Variants in ADAM10 observed in about 807,000 individuals in gnomAD.
ADAM10 encodes disintegrin and metalloproteinase domain-containing protein 10.
In ADAM10, 17 loss-of-function variants were observed where a neutral mutation model predicts 90.1. The observed-to-expected ratio is 0.19, with a 90% confidence interval of 0.13 to 0.28. The LOEUF (loss-of-function observed/expected upper bound fraction) is 0.28, where lower values mean the gene tolerates loss of function less well. ADAM10 is among the 10% of genes least tolerant of loss of function. The pLI is 1.00. For synonymous variants in ADAM10, 310 were observed against 298.6 expected, an observed-to-expected ratio of 1.04 and a Z score of -0.40; for missense variants, 610 against 914.3, an observed-to-expected ratio of 0.67 and a Z score of 4.29.
chr15:58,710,029 T>G (rs1201043068), intron 2 of ADAM10, among the ~76,000 whole-genome samples: 1 of 152,144 alleles, frequency 6.6e-6, no homozygotes, highest in African/African-American at 2.4e-5. Context: ...ACGCCTGTAA[T>G]CCCAGCACTC....
intron 1 of ADAM10, among the ~76,000 whole-genome samples, chr15:58,721,335 T>C (rs570059974): frequency 4.1e-4 from 62 of 152,328 alleles, no homozygotes; most frequent in Admixed American, 4.0e-3. Flanking sequence ...GACACACAGT[T>C]ACCAAGTCCA....
chr15:58,599,749 TGAA>T, intron 14 of ADAM10, 25 bp from the exon 15 acceptor site: 1 of 1,535,980 alleles, frequency 6.5e-7, no homozygotes, highest in South Asian at 1.1e-5. Context: ...ATTTTTCCAC[TGAA>T]AAAAAAAAAA....
chr15:58,674,994 G>A (rs1343650918), intron 4 of ADAM10, among the ~76,000 whole-genome samples: 2 of 152,136 alleles, frequency 1.3e-5, no homozygotes, highest in Non-Finnish European at 2.9e-5. Context: ...TCAAGAGATC[G>A]AGACCATCCT....
At chr15:58,633,066 T>G in intron 9 of ADAM10, 130 bp downstream of exon 9, 1 of 871,960 alleles carries the variant, frequency 1.1e-6, no homozygotes, top group Non-Finnish European at 1.8e-6. Flanking sequence ...TCAAATACAT[T>G]ACTGTGCTCT....
At chr15:58,740,995 G>A (rs1489645502) in intron 1 of ADAM10, among the ~76,000 whole-genome samples, 3 of 152,144 alleles carry the variant, frequency 2.0e-5, no homozygotes, top group African/African-American at 7.2e-5. Flanking sequence ...GTACTTTAAA[G>A]TCTTTAGCAC....
At chr15:58,695,975 T>G (rs11853494) in intron 2 of ADAM10, among the ~76,000 whole-genome samples, 98,960 of 150,992 alleles carry the variant, frequency 0.66, 32,287 homozygotes, top group Non-Finnish European at 0.68. Context: ...AATGAGCCGG[T>G]TGTGATGATA....
intron 2 of ADAM10, chr15:58,692,614 C>T (rs563076267): frequency 5.4e-6 from 3 of 558,542 alleles, no homozygotes; most frequent in East Asian, 4.8e-5. Flanking sequence ...TTTGACCCAC[C>T]TCTCTTCTAA....
At chr15:58,697,103 A>C (rs1898001748) in intron 2 of ADAM10, among the ~76,000 whole-genome samples, 1 of 152,154 alleles carries the variant, frequency 6.6e-6, no homozygotes. Context: ...AAGGAGGCCT[A>C]AGTTAGACTG....
At chr15:58,735,147 T>C (rs1285017103) in intron 1 of ADAM10, among the ~76,000 whole-genome samples, 2 of 152,234 alleles carry the variant, frequency 1.3e-5, no homozygotes, top group African/African-American at 4.8e-5. Context: ...GCTTGGCCTC[T>C]GACCCACTCA....
intron 15 of ADAM10, among the ~76,000 whole-genome samples, chr15:58,597,922 T>G (rs1225833012): frequency 1.3e-5 from 2 of 152,190 alleles, no homozygotes; most frequent in African/African-American, 4.8e-5. Context: ...ATTTCTTTTT[T>G]TATACTAAAT....
At chr15:58,704,932 A>C (rs1287124651) in intron 2 of ADAM10, among the ~76,000 whole-genome samples, 1 of 152,220 alleles carries the variant, frequency 6.6e-6, no homozygotes, top group Non-Finnish European at 1.5e-5. Flanking sequence ...TGATGGAAAA[A>C]GTCAAGCTAA....
At chr15:58,654,835 T>C (rs1237229032) in intron 5 of ADAM10, among the ~76,000 whole-genome samples, 1 of 152,252 alleles carries the variant, frequency 6.6e-6, no homozygotes, top group Non-Finnish European at 1.5e-5. Flanking sequence ...TCTAGTTTTA[T>C]TCAAGTGTAG....
chr15:58,692,231 G>T, intron 2 of ADAM10: 2 of 581,824 alleles, frequency 3.4e-6, no homozygotes, highest in South Asian at 2.8e-5. Context: ...AATTCCAAAT[G>T]ACCTTCTACA....
chr15:58,697,046 C>A (rs1371008468), intron 2 of ADAM10, among the ~76,000 whole-genome samples: 2 of 152,174 alleles, frequency 1.3e-5, no homozygotes, highest in Non-Finnish European at 2.9e-5. Flanking sequence ...CTGGCAGCAA[C>A]CCCACTGCCC....
At chr15:58,605,309 T>TA (rs1167988118) in intron 14 of ADAM10, among the ~76,000 whole-genome samples, 1 of 152,234 alleles carries the variant, frequency 6.6e-6, no homozygotes, top group Non-Finnish European at 1.5e-5. Flanking sequence ...TGAGATGTTT[T>TA]AGTGCCAATG....
chr15:58,612,495 C>T (rs1363634145), intron 11 of ADAM10, among the ~76,000 whole-genome samples: 1 of 152,212 alleles, frequency 6.6e-6, no homozygotes, highest in African/African-American at 2.4e-5. Flanking sequence ...GTAGTCATCA[C>T]TGTGCTGTTC....
intron 2 of ADAM10, among the ~76,000 whole-genome samples, chr15:58,701,022 C>CAAA (rs386383146): frequency 0.011 from 779 of 70,922 alleles, 4 homozygotes; most frequent in Non-Finnish European, 0.021. Flanking sequence ...AACAAAAAAA[C>CAAA]AAAAAAAAAA....
chr15:58,673,420 T>C (rs1305880976), intron 4 of ADAM10, among the ~76,000 whole-genome samples: 2 of 151,856 alleles, frequency 1.3e-5, no homozygotes, highest in Admixed American at 6.6e-5. Flanking sequence ...AGCTGTTTTT[T>C]TGACACTGTA....
At chr15:58,650,828 G>C (rs1896666588) in intron 5 of ADAM10, among the ~76,000 whole-genome samples, 1 of 151,928 alleles carries the variant, frequency 6.6e-6, no homozygotes, top group Non-Finnish European at 1.5e-5. Context: ...TATATTAGTT[G>C]TACTAATCAG....
Sources: gnomAD v4.1 joint callset for allele counts (sites outside exome capture counted in the v4.1 genomes callset) on GRCh38, gnomAD v4.1.1 for gene constraint, MANE v1.5 for transcripts, NCBI Gene and HGNC (gene_info 2026-07-23, HGNC 2026-07-21) for gene names.